SLCO3A1: variants seen among roughly 807,000 people sequenced by gnomAD.
The protein encoded by SLCO3A1 is solute carrier organic anion transporter family member 3A1.
SLCO3A1 carries 27 observed loss-of-function variants against 63.1 expected under a neutral mutation model. The ratio of observed to expected loss-of-function variants is 0.43; its 90% CI spans 0.32 to 0.59. The LOEUF is 0.59. Among genes scored for constraint, SLCO3A1 ranks in the 20% least tolerant of loss-of-function variants. SLCO3A1 has a pLI of 0.09. For synonymous variants in SLCO3A1, 473 were observed against 409.9 expected, an observed-to-expected ratio of 1.15 and a Z score of -1.86; for missense variants, 773 against 945.8, an observed-to-expected ratio of 0.82 and a Z score of 2.40.
At chr15:92,120,743 A>G in intron 5 of SLCO3A1, 114 bp downstream of exon 5, 1 of 833,146 alleles carries the variant, frequency 1.2e-6, no homozygotes, top group Non-Finnish European at 2.0e-6. Context: ...GGCCTACAGC[A>G]ACAAGATATA....
chr15:92,140,531 C>G (rs966698321), intron 7 of SLCO3A1, among the ~76,000 whole-genome samples: 1 of 151,966 alleles, frequency 6.6e-6, no homozygotes, highest in Non-Finnish European at 1.5e-5. Flanking sequence ...CCTGGGTATC[C>G]TTGTTGACTT....
At chr15:91,998,318 G>A (rs1205310384) in intron 2 of SLCO3A1, among the ~76,000 whole-genome samples, 1 of 152,060 alleles carries the variant, frequency 6.6e-6, no homozygotes, top group Non-Finnish European at 1.5e-5. Context: ...GCTGGATGTG[G>A]TGGCGCACCC....
chr15:92,130,145 A>T (rs1180592727), intron 7 of SLCO3A1, among the ~76,000 whole-genome samples: 2 of 152,238 alleles, frequency 1.3e-5, no homozygotes, highest in Non-Finnish European at 2.9e-5. Context: ...TATTCCAGGG[A>T]ATGCACTGAC....
Position 91,856,538 on chromosome 15 carries a change from G to A in SLCO3A1, c.180+2450G>A, listed in dbSNP as rs1896925319. Among the ~76,000 whole-genome samples the A allele has an allele frequency of 6.6e-6, 1 of 152,236 alleles. No individual in the cohort carries two copies. The highest frequency in any genetic ancestry group is 2.4e-5 in the African/African-American group (1 of 41,468). ...TCCTTCAGCCATGCGAGACTTCTCTGTGGATAATTGGAGAATGAAATATTG... is the reference window on the plus strand; with the variant it reads ...TCCTTCAGCCATGCGAGACTTCTCTATGGATAATTGGAGAATGAAATATTG... On this transcript the variant is annotated intron_variant, in intron 1 of 9. Coordinates refer to ENST00000318445, the MANE Select transcript of SLCO3A1 (RefSeq NM_013272.4). The surrounding 1 kb of genome is among the most constrained non-coding windows in gnomAD (Gnocchi z 4.9).
intron 7 of SLCO3A1, among the ~76,000 whole-genome samples, chr15:92,145,431 C>T (rs2048208835): frequency 6.6e-6 from 1 of 152,000 alleles, no homozygotes. Flanking sequence ...GTTTCATCTA[C>T]GTCTCAGCTC....
downstream of SLCO3A1, among the ~76,000 whole-genome samples, chr15:92,167,383 G>T (rs1159339622): frequency 6.6e-6 from 1 of 152,224 alleles, no homozygotes; most frequent in African/African-American, 2.4e-5. Flanking sequence ...TATCTAAGAG[G>T]TGCCAACTTT....
At chr15:92,147,731 G>A (rs1274802768) in intron 8 of SLCO3A1, among the ~76,000 whole-genome samples, 1 of 152,188 alleles carries the variant, frequency 6.6e-6, no homozygotes, top group Non-Finnish European at 1.5e-5. Context: ...AGAGCCAACC[G>A]AAATTCTATT....
intron 2 of SLCO3A1, among the ~76,000 whole-genome samples, chr15:91,974,265 G>GTTATTA (rs56317875): frequency 0.034 from 4,892 of 142,912 alleles, 204 homozygotes; most frequent in Admixed American, 0.12. Flanking sequence ...TTTCATTATT[G>GTTATTA]TTATTATTAT....
At chr15:92,171,045 C>G (rs1054024524) in intron 10 of SLCO3A1, 14 of 152,156 alleles carry the variant, frequency 9.2e-5, no homozygotes, top group African/African-American at 3.1e-4. Flanking sequence ...AATGACATTT[C>G]CAAACTGTCA....
intron 9 of SLCO3A1, among the ~76,000 whole-genome samples, chr15:92,159,751 T>C (rs556211111): frequency 3.3e-5 from 5 of 152,074 alleles, no homozygotes; most frequent in South Asian, 2.1e-4. Flanking sequence ...AGCTTGACAA[T>C]AGGCAAGATA....
chr15:92,034,464 G>A (rs1356834724), intron 2 of SLCO3A1, among the ~76,000 whole-genome samples: 1 of 151,558 alleles, frequency 6.6e-6, no homozygotes, highest in Non-Finnish European at 1.5e-5. Flanking sequence ...TCGGGGTAGA[G>A]ATGGTACTTA....
In SLCO3A1 at chr15:91,904,061, G is replaced by A. The variant is rs1261677646; in HGVS notation, c.181-11932G>A. ...AGAGGGATCTGTGTTCAGCGGGAGGGAGGGCCACGCTTTTCCTGGGTGGAG... is the reference window on the plus strand; with the variant it reads ...AGAGGGATCTGTGTTCAGCGGGAGGAAGGGCCACGCTTTTCCTGGGTGGAG... On this transcript the variant is annotated intron_variant, in intron 1 of 9. Transcript: ENST00000318445. Among the ~76,000 whole-genome samples the A allele has an allele frequency of 2.4e-5, 3 of 125,822 alleles. No individual in the cohort carries two copies. The East Asian group carries it at 9.7e-4, about 41-fold the overall frequency. The allele number at this position is 125,822 out of a possible 152,430, so 82.5% of individuals were successfully genotyped here.
At chr15:91,877,285 T>G (rs60495981) in intron 1 of SLCO3A1, among the ~76,000 whole-genome samples, 10,615 of 152,226 alleles carry the variant, frequency 0.07, 529 homozygotes, top group Non-Finnish European at 0.1. Context: ...TATTTTAAAA[T>G]TTTGATATCA....
At chr15:91,965,753 T>C (rs982128575) in intron 2 of SLCO3A1, among the ~76,000 whole-genome samples, 4 of 146,446 alleles carry the variant, frequency 2.7e-5, no homozygotes, top group Non-Finnish European at 6.1e-5. Flanking sequence ...TGTGTGTGTG[T>C]GGAGGGAAAT....
chr15:91,935,138 G>C (rs2151392954), intron 2 of SLCO3A1, among the ~76,000 whole-genome samples: 1 of 152,272 alleles, frequency 6.6e-6, no homozygotes, highest in Middle Eastern at 3.4e-3. Context: ...ATTTTTAGTA[G>C]AGACAGGGTT....
intron 2 of SLCO3A1, among the ~76,000 whole-genome samples, chr15:92,059,042 G>C (rs1437567199): frequency 1.3e-5 from 2 of 152,188 alleles, no homozygotes; most frequent in Non-Finnish European, 2.9e-5. Context: ...CAGGGTTGGA[G>C]CAGTATCTGT....
At chr15:92,015,278 G>T (rs144241454) in intron 2 of SLCO3A1, among the ~76,000 whole-genome samples, 43 of 152,216 alleles carry the variant, frequency 2.8e-4, no homozygotes, top group African/African-American at 8.9e-4. Flanking sequence ...ACCTCAGACT[G>T]GGTAATTTAT....
chr15:91,928,428 A>G (rs1227170026), intron 2 of SLCO3A1, among the ~76,000 whole-genome samples: 1 of 152,174 alleles, frequency 6.6e-6, no homozygotes, highest in Non-Finnish European at 1.5e-5. Context: ...AGTGAGTGGC[A>G]CGGCCCAAGC....
intron 2 of SLCO3A1, among the ~76,000 whole-genome samples, chr15:92,041,136 T>C (rs1399832685): frequency 6.6e-6 from 1 of 152,166 alleles, no homozygotes; most frequent in African/African-American, 2.4e-5. Context: ...CTAATATGCC[T>C]AGCCCCCTTC....
Sources: gnomAD v4.1 joint callset for allele counts (sites outside exome capture counted in the v4.1 genomes callset) on GRCh38, gnomAD v4.1.1 for gene constraint, Gnocchi (gnomAD v3.1) non-coding constraint, MANE v1.5 for transcripts, NCBI Gene and HGNC (gene_info 2026-07-23, HGNC 2026-07-21) for gene names.